ZMYM4: variants seen among roughly 807,000 people sequenced by gnomAD.
ZMYM4 encodes zinc finger MYM-type containing 4, also known as zinc finger MYM-type protein 4.
ZMYM4 carries 31 observed loss-of-function variants against 183.2 expected under a neutral mutation model. The ratio of observed to expected loss-of-function variants is 0.17; its 90% CI spans 0.13 to 0.23. The LOEUF is 0.23. Ranked by LOEUF, ZMYM4 falls within the 10% of genes least tolerant of loss-of-function variation. ZMYM4 has a pLI of 1.00. For missense variants in ZMYM4, 1,273 were observed against 1,840.3 expected (o/e 0.69, Z 5.64); for synonymous variants, 592 against 631.2 (o/e 0.94, Z 0.93).
chr1:35,359,143 G>C lies in ZMYM4; in HGVS notation c.304G>C (p.Val102Leu). 3.7e-6 allele frequency: 6 copies of C among 1,613,674 alleles called. No individual in the cohort carries two copies. Among genetic ancestry groups the C allele is most frequent in the Non-Finnish European group, 5.1e-6 (6 of 1,179,720 alleles). The change falls in exon 3 of 30, where the codon GTT becomes CTT. Residue 102 changes from valine to leucine, a missense_variant. Transcript: ENST00000314607. ...GGATTTTAGTTCAAAGGACAATCTT[G>C]TTTCTTCAATTCATACTGATGATAG... ...EQDFSSKDNL[V>L]SSIHTDDSLE...
At chr1:35,294,446 A>G (rs1391250590) in intron 1 of ZMYM4, among the ~76,000 whole-genome samples, 1 of 152,178 alleles carries the variant, frequency 6.6e-6, no homozygotes, top group Non-Finnish European at 1.5e-5. Flanking sequence ...TAATATGTGA[A>G]AGGCAAGACA....
chr1:35,418,279 G>A (rs755245024), intron 28 of ZMYM4, among the ~76,000 whole-genome samples, 164 bp from the exon 29 acceptor site: 12 of 152,218 alleles, frequency 7.9e-5, no homozygotes, highest in Non-Finnish European at 1.3e-4. Flanking sequence ...TTAAAATAAT[G>A]TCTGGCACCT....
chr1:35,374,698 A>AT (rs545746107), intron 7 of ZMYM4, among the ~76,000 whole-genome samples: 3,597 of 148,126 alleles, frequency 0.024, 109 homozygotes, highest in African/African-American at 0.071. Flanking sequence ...TCAGTCATAG[A>AT]TTTTTTTTTT....
intron 2 of ZMYM4, among the ~76,000 whole-genome samples, chr1:35,327,050 G>A (rs1334679128): frequency 6.6e-6 from 1 of 152,068 alleles, no homozygotes; most frequent in Non-Finnish European, 1.5e-5. Context: ...TGGTAGAGAT[G>A]GGGTTTTACC....
chr1:35,391,783 C>T (rs552143688), intron 15 of ZMYM4, among the ~76,000 whole-genome samples: 1 of 151,362 alleles, frequency 6.6e-6, no homozygotes, highest in East Asian at 2.0e-4. Flanking sequence ...TGGCTCATGC[C>T]TGTAATCTCA....
intron 3 of ZMYM4, 110 bp downstream of exon 3, chr1:35,359,556 T>C: frequency 9.2e-7 from 1 of 1,092,040 alleles, no homozygotes; most frequent in Non-Finnish European, 1.2e-6. Flanking sequence ...TTAAATTCAT[T>C]GTAAGCTTGT....
chr1:35,281,026 C>T (rs779985266), intron 1 of ZMYM4, among the ~76,000 whole-genome samples: 39 of 152,044 alleles, frequency 2.6e-4, no homozygotes, highest in Non-Finnish European at 4.1e-4. Flanking sequence ...GGCTCACGCA[C>T]GTAATCCCAG....
intron 26 of ZMYM4, among the ~76,000 whole-genome samples, chr1:35,411,509 T>G (rs980431179): frequency 6.6e-6 from 1 of 152,164 alleles, no homozygotes; most frequent in Non-Finnish European, 1.5e-5. Context: ...GTTTTGCAAC[T>G]TACATTATAG....
intron 1 of ZMYM4, among the ~76,000 whole-genome samples, chr1:35,299,745 A>G (rs1055242859): frequency 2.6e-5 from 4 of 152,060 alleles, no homozygotes; most frequent in African/African-American, 4.8e-5. Context: ...TTATGCAAAC[A>G]TCTGATTGGT....
At chr1:35,321,379 A>C (rs1642275242) in intron 1 of ZMYM4, among the ~76,000 whole-genome samples, 1 of 152,214 alleles carries the variant, frequency 6.6e-6, no homozygotes, top group Admixed American at 6.5e-5. Context: ...AGCACTGTGC[A>C]CAGTGACCCA....
At chr1:35,361,833 A>G (rs1438917800) in intron 5 of ZMYM4, 44 bp downstream of exon 5, 40 of 1,578,590 alleles carry the variant, frequency 2.5e-5, no homozygotes, top group Non-Finnish European at 3.3e-5. Flanking sequence ...TGTTCCACAC[A>G]TTGAATTATT....
rs200941803 is a variant in ZMYM4, at chr1:35,398,432, C to T, written c.3219C>T (p.His1073=). ...CTTTAGAGTCCCAAACTTCTGAACA[C>T]GAACTCTTTCTAGACACCAAGATAT... ...LSQGESQTSE[H]ELFLDTKIFE... Residue 1073 remains histidine, a synonymous_variant, in exon 21 of 30, where the codon CAC becomes CAT. Coordinates refer to ENST00000314607, the MANE Select transcript of ZMYM4 (RefSeq NM_005095.3). 4.3e-5 allele frequency: 70 copies of T among 1,610,582 alleles called. No individual in the cohort carries two copies. The highest frequency in any genetic ancestry group is 1.7e-4 in the Admixed American group (10 of 59,342).
chr1:35,387,349 T>C, intron 12 of ZMYM4, 71 bp downstream of exon 12: 5 of 1,580,216 alleles, frequency 3.2e-6, no homozygotes, highest in Non-Finnish European at 4.3e-6. Flanking sequence ...TTTTTAACTT[T>C]GCATCTCTCA....
chr1:35,280,338 A>G (rs936300744), intron 1 of ZMYM4, among the ~76,000 whole-genome samples: 2 of 148,714 alleles, frequency 1.3e-5, no homozygotes, highest in African/African-American at 2.5e-5. Context: ...GTGTTTTACC[A>G]TGTTGCACAG....
At chr1:35,302,417 G>T (rs1463421703) in intron 1 of ZMYM4, among the ~76,000 whole-genome samples, 1 of 115,398 alleles carries the variant, frequency 8.7e-6, no homozygotes, top group African/African-American at 3.4e-5. Flanking sequence ...ATGGAGTCTT[G>T]CTCTGTTGTG....
intron 27 of ZMYM4, among the ~76,000 whole-genome samples, chr1:35,415,210 A>T (rs1188566918): frequency 1.3e-5 from 2 of 152,164 alleles, no homozygotes; most frequent in Non-Finnish European, 2.9e-5. Context: ...GGCCCTTTAT[A>T]AAGACAGCTT....
At chr1:35,309,892 G>A (rs1641713467) in intron 1 of ZMYM4, among the ~76,000 whole-genome samples, 1 of 149,382 alleles carries the variant, frequency 6.7e-6, no homozygotes, top group Admixed American at 6.7e-5. Flanking sequence ...AAAAACTTAA[G>A]TATTTTGTGG....
chr1:35,375,966 C>T (rs1644325537), intron 7 of ZMYM4, among the ~76,000 whole-genome samples: 1 of 151,728 alleles, frequency 6.6e-6, no homozygotes, highest in South Asian at 2.1e-4. Context: ...ATCCCAGCTG[C>T]TTGGGAGGAT....
intron 1 of ZMYM4, among the ~76,000 whole-genome samples, chr1:35,287,692 A>G (rs1202052435): frequency 2.0e-5 from 3 of 151,868 alleles, no homozygotes; most frequent in Non-Finnish European, 1.5e-5. Context: ...TGCAACCTCC[A>G]TCTCCCGGGT....
Sources: gnomAD v4.1 joint callset for allele counts (sites outside exome capture counted in the v4.1 genomes callset) on GRCh38, gnomAD v4.1.1 for gene constraint, MANE v1.5 for transcripts, NCBI Gene and HGNC (gene_info 2026-07-23, HGNC 2026-07-21) for gene names.